ERC1: variants seen among roughly 807,000 people sequenced by gnomAD.
ERC1 encodes the protein RAB6 interacting protein 2.
In ERC1, 56 loss-of-function variants were observed where a neutral mutation model predicts 132.0. That is an observed-to-expected ratio of 0.42 (90% CI 0.34 to 0.53). The LOEUF is 0.53. Among genes scored for constraint, ERC1 ranks in the 20% least tolerant of loss-of-function variants. ERC1 has a pLI of 0.03. For missense variants in ERC1, 1,202 were observed against 1,349.9 expected (o/e 0.89, Z 1.72); for synonymous variants, 478 against 476.1 (o/e 1.00, Z -0.05).
At chr12:1,404,746 A>G (rs7974933) in intron 16 of ERC1, among the ~76,000 whole-genome samples, 43,291 of 152,092 alleles carry the variant, frequency 0.28, 9,453 homozygotes, top group African/African-American at 0.61. Flanking sequence ...TTTTACAGGG[A>G]TGCTAATCTC....
chr12:1,140,018 G>A (rs1253436384), intron 7 of ERC1, among the ~76,000 whole-genome samples: 1 of 152,140 alleles, frequency 6.6e-6, no homozygotes, highest in Non-Finnish European at 1.5e-5. Context: ...AAGGAGCATG[G>A]TAGAACTTGT....
At chr12:1,483,323 A>T (rs71454825) in intron 18 of ERC1, among the ~76,000 whole-genome samples, 3 of 152,272 alleles carry the variant, frequency 2.0e-5, no homozygotes, top group Admixed American at 2.0e-4. Flanking sequence ...ATAGAATCAT[A>T]CAAGACGTGG....
chr12:1,323,572 G>A (rs1044741403), intron 15 of ERC1, among the ~76,000 whole-genome samples: 1 of 152,130 alleles, frequency 6.6e-6, no homozygotes, highest in Non-Finnish European at 1.5e-5. Flanking sequence ...TGCTATGTTT[G>A]TACAAGGAAA....
intron 14 of ERC1, 152 bp from the exon 15 acceptor site, chr12:1,289,700 C>G: frequency 1.7e-6 from 1 of 597,210 alleles, no homozygotes. Context: ...TTGATATATA[C>G]ACACACATAA....
At chr12:1,048,737 A>T (rs1164299268) in intron 2 of ERC1, among the ~76,000 whole-genome samples, 1 of 152,220 alleles carries the variant, frequency 6.6e-6, no homozygotes, top group African/African-American at 2.4e-5. Flanking sequence ...TTAAATCTGA[A>T]TTTCACATAC....
rs35505633 is a variant in ERC1 at position 1,460,958 on chromosome 12, C to CTTTTTTTTTTTTT, written c.3213+16219_3213+16231dup. 8.9e-4 allele frequency among the ~76,000 whole-genome samples: 58 copies of CTTTTTTTTTTTTT among 64,954 alleles called. 2 individuals carry two copies. The highest frequency in any genetic ancestry group is 1.7e-3 in the African/African-American group (28 of 16,524). 42.6% of individuals were successfully genotyped at this position (64,954 alleles called of 152,430 possible). A position where few individuals can be genotyped will look rare whatever the true frequency, so the allele number is the denominator to read the frequency against. Reference sequence around the variant, plus strand: ...GACTTGCCTAAACGATGAGGAGGCCCTTTTTTTTTTTTTTTTTTTTTTTCA... The same window carrying CTTTTTTTTTTTTT: ...GACTTGCCTAAACGATGAGGAGGCCCTTTTTTTTTTTTTTTTTTTTTTTTTTTTTTTTTTTTCA... On this transcript the variant is annotated intron_variant, in intron 18 of 18. Transcript: ENST00000360905.
At chr12:1,311,785 T>G (rs544294711) in intron 15 of ERC1, among the ~76,000 whole-genome samples, 1 of 152,332 alleles carries the variant, frequency 6.6e-6, no homozygotes, top group South Asian at 2.1e-4. Flanking sequence ...TCTGGCTATT[T>G]CACTTGAAGT....
intron 14 of ERC1, among the ~76,000 whole-genome samples, chr12:1,289,423 G>A (rs79375483): frequency 0.013 from 2,013 of 151,808 alleles, 44 homozygotes; most frequent in African/African-American, 0.046. Flanking sequence ...AAAATTATTC[G>A]TCTATGTATA....
At chr12:1,214,632 CAT>C (rs1308926311) in intron 12 of ERC1, among the ~76,000 whole-genome samples, 1 of 149,972 alleles carries the variant, frequency 6.7e-6, no homozygotes, top group African/African-American at 2.5e-5. Context: ...TATATATTAA[CAT>C]ATAAAACATA....
At chr12:1,090,878 A>G (rs1320647221) in intron 3 of ERC1, among the ~76,000 whole-genome samples, 242 of 18,510 alleles carry the variant, frequency 0.013, 69 homozygotes, top group African/African-American at 0.025. Context: ...TATTATTATT[A>G]TTATTATTAT....
chr12:1,361,274 A>C (rs796503038), intron 15 of ERC1, among the ~76,000 whole-genome samples: 2 of 73,906 alleles, frequency 2.7e-5, no homozygotes, highest in South Asian at 5.8e-4. Context: ...GGGGGGAGGG[A>C]GGAGGGATAG....
At chr12:1,218,783 T>C (rs1358983633) in intron 12 of ERC1, among the ~76,000 whole-genome samples, 2 of 151,854 alleles carry the variant, frequency 1.3e-5, no homozygotes, top group African/African-American at 2.4e-5. Context: ...CACTTTCCTC[T>C]AGACCTCTAA....
chr12:1,419,205 C>T lies in ERC1; in HGVS notation c.3024+10958C>T, dbSNP rs143705725. Among the ~76,000 whole-genome samples, 110 of 152,176 alleles carry T rather than the reference C, an allele frequency of 7.2e-4. 1 individual carries two copies. Among genetic ancestry groups the T allele is most frequent in the African/African-American group, 2.5e-3 (105 of 41,526 alleles). ...AATTATAAATAAGACTAACAATAAA[C>T]TCCTTTTAAAATCTGAGTAGAAAAG... On this transcript the variant is annotated intron_variant, in intron 17 of 18. Coordinates refer to ENST00000360905, the MANE Select transcript of ERC1 (RefSeq NM_178040.4).
chr12:1,327,308 A>G (rs891135202), intron 15 of ERC1, among the ~76,000 whole-genome samples: 9 of 152,172 alleles, frequency 5.9e-5, no homozygotes, highest in Admixed American at 5.2e-4. Context: ...TGTTCTAACA[A>G]TGAAGTTTTT....
At chr12:1,213,424 G>A (rs1018391918) in intron 12 of ERC1, among the ~76,000 whole-genome samples, 6 of 152,032 alleles carry the variant, frequency 3.9e-5, no homozygotes, top group African/African-American at 1.4e-4. Context: ...TTGTAGAGTC[G>A]AAACTTGCTT....
chr12:1,366,774 G>A (rs1172378346), intron 15 of ERC1, among the ~76,000 whole-genome samples: 1 of 152,130 alleles, frequency 6.6e-6, no homozygotes, highest in East Asian at 1.9e-4. Context: ...AAAACTAAAT[G>A]TTGTCAGCCT....
intron 18 of ERC1, among the ~76,000 whole-genome samples, chr12:1,481,572 G>A (rs1204105321): frequency 6.6e-6 from 1 of 152,056 alleles, no homozygotes; most frequent in Non-Finnish European, 1.5e-5. Context: ...ATGTAATACT[G>A]CTTTCAGATA....
intron 15 of ERC1, among the ~76,000 whole-genome samples, chr12:1,302,729 G>A (rs560396118): frequency 6.6e-6 from 1 of 151,982 alleles, no homozygotes; most frequent in East Asian, 1.9e-4. Context: ...GCACTTTGGG[G>A]CCATGGAAGG....
At chr12:1,440,658 GT>G in intron 17 of ERC1, among the ~76,000 whole-genome samples, 1 of 115,462 alleles carries the variant, frequency 8.7e-6, no homozygotes, top group Non-Finnish European at 1.7e-5. Context: ...GTGTGTGTGT[GT>G]GTGTGTGTGA....
Sources: gnomAD v4.1 joint callset for allele counts (sites outside exome capture counted in the v4.1 genomes callset) on GRCh38, gnomAD v4.1.1 for gene constraint, MANE v1.5 for transcripts, NCBI Gene and HGNC (gene_info 2026-07-23, HGNC 2026-07-21) for gene names.